The following KRT5 variants were observed in gnomAD, a reference collection of about 807,000 sequenced individuals.
The protein encoded by KRT5 is keratin, type II cytoskeletal 5.
Under a neutral mutation model 44.0 loss-of-function variants are expected in KRT5, and 17 were observed. The observed-to-expected ratio is 0.39, with a 90% CI of 0.26 to 0.58. KRT5 has a LOEUF of 0.58. Among genes scored for constraint, KRT5 ranks in the 20% least tolerant of loss-of-function variants. The probability of loss-of-function intolerance (pLI) is 0.61; values close to 1 mark genes in which losing one functional copy is unlikely to be tolerated. For missense variants in KRT5, 737 were observed against 785.5 expected, an observed-to-expected ratio of 0.94 and a Z score of 0.74; for synonymous variants, 329 against 312.8, an observed-to-expected ratio of 1.05 and a Z score of -0.55.
chr12:52,517,361 G>T, intron 5 of KRT5, 129 bp from the exon 6 acceptor site: 2 of 1,208,006 alleles, frequency 1.7e-6, no homozygotes, highest in Non-Finnish European at 2.4e-6. Context: ...TTCCAAGGCT[G>T]AGCTAGTCTA....
At position 52,519,086 on chromosome 12, in the gene KRT5, A is replaced by T; in HGVS notation, c.630T>A (p.Thr210=). 1.2e-6 allele frequency: 2 copies of T among 1,614,000 alleles called. No individual in the cohort carries two copies. Among genetic ancestry groups the T allele is most frequent in the Non-Finnish European group, 1.7e-6 (2 of 1,180,000 alleles). ...ACAACGGCTCCAGGTTCTGCCTCAC[A>T]GTCTTGGTGCCCTGCTCCTGCAGCA... The part of the protein sequence containing the change: ...WTLLQEQGTK[T]VRQNLEPLFE... Residue 210 remains threonine (T), a synonymous_variant, in exon 2 of 9, where the codon ACT becomes ACA. Transcript: ENST00000252242.
rs556992218 is a variant in KRT5, at chr12:52,520,139, C to T, written c.158G>A (p.Gly53Asp). The T allele has an allele frequency of 4.3e-6, 7 of 1,614,056 alleles. No homozygotes were observed. The East Asian group carries it at 8.9e-5, about 21-fold the overall frequency. ...GGGFGRVSLA[G>D]ACGVGGYGSR... ...GCCATAGCCACCCACTCCACAAGCA[C>T]CCGCAAGGCTGACCCTGCCGAAGCC... Residue 53 changes from glycine (G) to aspartate (D), a missense_variant, in exon 1 of 9, where the codon GGT becomes GAT. By Grantham distance (94) the Gly-to-Asp change is moderately conservative. Around this residue, in one of 5 missense-constraint regions of KRT5, gnomAD observed 326 missense variants for 333.1 expected, o/e 0.98. Coordinates refer to ENST00000252242, the MANE Select transcript of KRT5 (RefSeq NM_000424.4).
Position 52,514,880 on chromosome 12 carries a change from G to GA in KRT5, c.*61dup. 4 of 1,418,076 alleles carry GA rather than the reference G, an allele frequency of 2.8e-6. No homozygotes were observed. Among genetic ancestry groups the GA allele is most frequent in the Non-Finnish European group, 4.0e-6 (4 of 1,004,490 alleles). 87.8% of individuals were successfully genotyped at this position (1,418,076 alleles called of 1,614,324 possible). A position where few individuals can be genotyped will look rare whatever the true frequency, so the allele number is the denominator to read the frequency against. ...AAAACATGGCTTGAGCAACTGCCTA[G>GA]AAGAGGCAATCTCCATGGGCTGGGT... On this transcript the variant is annotated 3_prime_UTR_variant, in exon 9 of 9. Coordinates refer to ENST00000252242, the MANE Select transcript of KRT5 (RefSeq NM_000424.4).
At position 52,518,990 on chromosome 12, in the gene KRT5, T is replaced by C. The variant is rs199722905; in HGVS notation, c.726A>G (p.Ser242=). The change falls in exon 2 of 9, where the codon TCA becomes TCG. Residue 242 remains serine, a synonymous_variant. Coordinates refer to ENST00000252242, the MANE Select transcript of KRT5 (RefSeq NM_000424.4). ...CCAGGTCCTGCATGTTTCTCAGCTC[T>C]GAGTCCAGGCGGCCCCGTTCCCCCA... is the stretch of plus-strand genomic sequence containing the variant. ...SIVGERGRLD[S]ELRNMQDLVE... 6.8e-6 allele frequency: 11 copies of C among 1,614,100 alleles called. No individual in the cohort carries two copies. The highest frequency in any genetic ancestry group is 1.6e-4 in the Middle Eastern group (1 of 6,084).
chr12:52,517,317 G>T, intron 5 of KRT5, 85 bp from the exon 6 acceptor site: 1 of 1,534,628 alleles, frequency 6.5e-7, no homozygotes, highest in Non-Finnish European at 9.0e-7. Context: ...TGAGTACTAA[G>T]TGGTGGCAAA....
At chr12:52,516,943 A>T in intron 6 of KRT5, 86 bp from the exon 7 acceptor site, 1 of 1,551,666 alleles carries the variant, frequency 6.4e-7, no homozygotes, top group Non-Finnish European at 8.9e-7. Context: ...CCAAACTATC[A>T]TGAATCCCAG....
At chr12:52,516,500 C>A in intron 7 of KRT5, 137 bp downstream of exon 7, 1 of 915,286 alleles carries the variant, frequency 1.1e-6, no homozygotes, top group Middle Eastern at 3.2e-4. Flanking sequence ...GGCCATGAGT[C>A]AGACTGAAAT....
intron 1 of KRT5, 112 bp from the exon 2 acceptor site, chr12:52,519,272 G>A: frequency 6.7e-7 from 1 of 1,485,796 alleles, no homozygotes; most frequent in South Asian, 1.2e-5. Flanking sequence ...TCTGTGCACT[G>A]TGCCTGGCCC....
rs745773711 is a variant in KRT5, at chr12:52,520,111, G to A, written c.186C>T (p.Ser62=). 6.2e-7 allele frequency: 1 copy of A among 1,613,026 alleles called. No homozygotes were observed. Among genetic ancestry groups the A allele is most frequent in the East Asian group, 2.2e-5 (1 of 44,886 alleles). The change falls in exon 1 of 9, where the codon AGC becomes AGT. Residue 62 remains serine, a synonymous_variant. Transcript: ENST00000252242. The part of the protein sequence containing the change: ...AGACGVGGYG[S]RSLYNLGGSK... The stretch of plus-strand genomic sequence containing the variant: ...AGCCCCCCAGGTTGTAGAGGCTCCG[G>A]CTGCCATAGCCACCCACTCCACAAG...
At position 52,517,230 on chromosome 12, in the gene KRT5, A is replaced by G. The variant is rs1938625970; in HGVS notation, c.1095T>C (p.Tyr365=). 2 of 1,614,060 alleles carry G rather than the reference A, an allele frequency of 1.2e-6. No homozygotes were observed. The highest frequency in any genetic ancestry group is 4.5e-5 in the East Asian group (2 of 44,872). The change falls in exon 6 of 9, where the codon TAT becomes TAC. Residue 365 remains tyrosine, a splice_region_variant and synonymous_variant. Coordinates refer to ENST00000252242, the MANE Select transcript of KRT5 (RefSeq NM_000424.4). ...GGCCAGCTGTCTGCTGCAGCTCCTCATACTGATGCAGCCAGGAAAGAGGAA... is the reference window on the plus strand; with the variant it reads ...GGCCAGCTGTCTGCTGCAGCTCCTCGTACTGATGCAGCCAGGAAAGAGGAA... ...TEAESWYQTK[Y]EELQQTAGRH... is the part of the protein sequence containing the mutation.
chr12:52,517,789 G>A, intron 4 of KRT5, 35 bp from the exon 5 acceptor site: 1 of 1,613,640 alleles, frequency 6.2e-7, no homozygotes, highest in Non-Finnish European at 8.5e-7. Flanking sequence ...ATCTGGTTCT[G>A]TGTTGTGTTA....
rs773410009 is a variant in KRT5, at chr12:52,520,142, G to T, written c.155C>A (p.Ala52Glu). 1 of 1,613,982 alleles carries T rather than the reference G, an allele frequency of 6.2e-7. No individual in the cohort carries two copies. The highest frequency in any genetic ancestry group is 8.5e-7 in the Non-Finnish European group (1 of 1,179,940). Residue 52 changes from alanine (A) to glutamate (E), a missense_variant, in exon 1 of 9, where the codon GCG (alanine) becomes GAG (glutamate). By Grantham distance (107) the Ala-to-Glu change is moderately radical. Around this residue, in one of 5 missense-constraint regions of KRT5, gnomAD observed 326 missense variants for 333.1 expected, o/e 0.98. Coordinates refer to ENST00000252242, the MANE Select transcript of KRT5 (RefSeq NM_000424.4). Reference protein sequence around the residue: ...GGGGFGRVSLAGACGVGGYGS... With the variant: ...GGGGFGRVSLEGACGVGGYGS... ...ATAGCCACCCACTCCACAAGCACCC[G>T]CAAGGCTGACCCTGCCGAAGCCACC...
rs57378129 is a variant in KRT5, at chr12:52,519,798, C to G, written c.499G>C (p.Glu167Gln). The G allele has an allele frequency of 6.2e-7, 1 of 1,614,114 alleles. No homozygotes were observed. The highest frequency in any genetic ancestry group is 1.7e-5 in the Admixed American group (1 of 60,010). The change falls in exon 1 of 9, where the codon GAG (glutamate) becomes CAG (glutamine). Residue 167 changes from glutamate (E) to glutamine (Q), a missense_variant. Glu to Gln is a conservative substitution (Grantham distance 29). Transcript: ENST00000252242. ...IDPSIQRVRT[E>Q]EREQIKTLNN... ...AGGGTCTTGATCTGCTCGCGCTCCT[C>G]GGTCCTCACCCTCTGGATGCTGGGG... is the stretch of plus-strand genomic sequence containing the variant.
At chr12:52,515,478 G>A in intron 8 of KRT5, 2 of 639,244 alleles carry the variant, frequency 3.1e-6, no homozygotes, top group Non-Finnish European at 5.5e-6. Context: ...ACTACAGGGA[G>A]CTAGGTACTG....
At chr12:52,516,944 T>A (rs764330369) in intron 6 of KRT5, 87 bp from the exon 7 acceptor site, 2 of 1,550,754 alleles carry the variant, frequency 1.3e-6, no homozygotes, top group Non-Finnish European at 1.8e-6. Context: ...CAAACTATCA[T>A]GAATCCCAGA....
chr12:52,520,161 A>T lies in KRT5; in HGVS notation c.136T>A (p.Phe46Ile), dbSNP rs777631293. 1.8e-5 allele frequency: 29 copies of T among 1,613,788 alleles called. No homozygotes were observed. The Admixed American group carries it at 4.8e-4, about 27-fold the overall frequency. The change falls in exon 1 of 9, where the codon TTC (phenylalanine) becomes ATC (isoleucine). Residue 46 changes from phenylalanine to isoleucine, a missense_variant. Phe to Ile is a conservative substitution (Grantham distance 21). Around this residue, in one of 5 missense-constraint regions of KRT5, gnomAD observed 326 missense variants for 333.1 expected, o/e 0.98. Coordinates refer to ENST00000252242, the MANE Select transcript of KRT5 (RefSeq NM_000424.4). ...SRSGGGGGGGFGRVSLAGACG... is the reference protein window; with the variant it reads ...SRSGGGGGGGIGRVSLAGACG... Reference sequence around the variant, plus strand: ...GCACCCGCAAGGCTGACCCTGCCGAAGCCACCACCACCGCCACCCCCGGAC... The same window carrying T: ...GCACCCGCAAGGCTGACCCTGCCGATGCCACCACCACCGCCACCCCCGGAC...
rs58766676 is a variant in KRT5, at chr12:52,519,120, T to C, written c.596A>G (p.Lys199Arg). The change falls in exon 2 of 9, where the codon AAG becomes AGG. Residue 199 changes from lysine (K) to arginine (R), a missense_variant. By Grantham distance (26) the Lys-to-Arg change is conservative. Coordinates refer to ENST00000252242, the MANE Select transcript of KRT5 (RefSeq NM_000424.4). Reference protein sequence around the residue: ...LEQQNKVLDTKWTLLQEQGTK... With the variant: ...LEQQNKVLDTRWTLLQEQGTK... The stretch of plus-strand genomic sequence containing the variant: ...GCCCTGCTCCTGCAGCAGGGTCCAC[T>C]TGGTGTCCAGAACCTTGTTCTGCTG... 1 of 1,614,192 alleles carries C rather than the reference T, an allele frequency of 6.2e-7. No individual in the cohort carries two copies. The highest frequency in any genetic ancestry group is 1.1e-5 in the South Asian group (1 of 91,086).
chr12:52,517,036 A>G (rs1938622514), intron 6 of KRT5, 71 bp downstream of exon 6: 14 of 1,600,864 alleles, frequency 8.7e-6, no homozygotes, highest in Middle Eastern at 3.5e-4. Context: ...AAAGTAAAAC[A>G]AAATAAAACA....
chr12:52,517,035 C>A (rs1164546841), intron 6 of KRT5, 72 bp downstream of exon 6: 65 of 1,598,988 alleles, frequency 4.1e-5, no homozygotes, highest in Non-Finnish European at 5.4e-5. Flanking sequence ...AAAAGTAAAA[C>A]AAAATAAAAC....
Sources: gnomAD v4.1 joint callset for allele counts on GRCh38, gnomAD v4.1.1 for gene constraint, gnomAD v4.1.1 regional missense constraint, MANE v1.5 for transcripts, NCBI Gene and HGNC (gene_info 2026-07-23, HGNC 2026-07-21) for gene names.